The following SGCD variants were observed in gnomAD, a reference collection of about 807,000 sequenced individuals.
SGCD encodes the protein sarcoglycan delta.
SGCD carries 18 observed loss-of-function variants against 36.6 expected under a neutral mutation model. The observed-to-expected ratio is 0.49, with a 90% confidence interval of 0.34 to 0.73. The LOEUF is 0.73. Among genes scored for constraint, SGCD ranks in the 30% least tolerant of loss-of-function variants. SGCD has a pLI of 0.01. For synonymous variants in SGCD, 133 were observed against 130.6 expected (o/e 1.02, Z -0.12); for missense variants, 387 against 346.7 (o/e 1.12, Z -0.92).
intron 3 of SGCD, among the ~76,000 whole-genome samples, chr5:156,194,663 A>G (rs922070987): frequency 1.3e-5 from 2 of 152,034 alleles, no homozygotes; most frequent in African/African-American, 4.8e-5. Flanking sequence ...ATATTATAAT[A>G]TAATTGACAA....
chr5:156,284,870 A>T (rs568017941), intron 3 of SGCD, among the ~76,000 whole-genome samples: 5 of 152,328 alleles, frequency 3.3e-5, no homozygotes, highest in Admixed American at 2.6e-4. Flanking sequence ...TTAGTAAAAA[A>T]GGAAGTCAAA....
chr5:156,479,008 A>G (rs1383083529), intron 3 of SGCD, among the ~76,000 whole-genome samples: 1 of 152,190 alleles, frequency 6.6e-6, no homozygotes, highest in Non-Finnish European at 1.5e-5. Context: ...TGATCTTGTC[A>G]GTGTTGGGAG....
chr5:156,368,236 G>T (rs1289660768), intron 3 of SGCD, among the ~76,000 whole-genome samples: 2 of 151,732 alleles, frequency 1.3e-5, no homozygotes, highest in Non-Finnish European at 2.9e-5. Flanking sequence ...GATTACAGGC[G>T]CCTGCCACCA....
intron 4 of SGCD, among the ~76,000 whole-genome samples, chr5:156,527,254 T>C (rs549817202): frequency 6.6e-6 from 1 of 152,144 alleles, no homozygotes; most frequent in East Asian, 1.9e-4. Flanking sequence ...AGTAACATAG[T>C]CACAAAAGAT....
At chr5:156,736,774 G>A (rs574689853) in intron 7 of SGCD, among the ~76,000 whole-genome samples, 5 of 152,298 alleles carry the variant, frequency 3.3e-5, no homozygotes, top group South Asian at 2.1e-4. Context: ...TGAAAGCATC[G>A]TTGGTGTTCA....
At chr5:156,510,001 A>G (rs1021831555) in intron 4 of SGCD, among the ~76,000 whole-genome samples, 1 of 152,220 alleles carries the variant, frequency 6.6e-6, no homozygotes, top group African/African-American at 2.4e-5. Flanking sequence ...ATTGATTAGC[A>G]TAATTATTGA....
chr5:156,390,967 C>T (rs181518193), intron 3 of SGCD, among the ~76,000 whole-genome samples: 24 of 151,996 alleles, frequency 1.6e-4, no homozygotes, highest in African/African-American at 5.8e-4. Flanking sequence ...TTAGTGTAGC[C>T]TAAGTGTACC....
chr5:156,507,988 G>T (rs1195581833), intron 3 of SGCD, among the ~76,000 whole-genome samples: 1 of 152,156 alleles, frequency 6.6e-6, no homozygotes, highest in South Asian at 2.1e-4. Context: ...AAACAAAGAA[G>T]GGGAGTGTAG....
intron 3 of SGCD, among the ~76,000 whole-genome samples, chr5:156,161,355 G>T (rs1168279236): frequency 6.6e-6 from 1 of 151,738 alleles, no homozygotes; most frequent in Non-Finnish European, 1.5e-5. Flanking sequence ...TCATTGACAG[G>T]TTAGTTCCTC....
At chr5:155,893,618 C>T (rs1756184216) in intron 1 of SGCD, among the ~76,000 whole-genome samples, 1 of 152,204 alleles carries the variant, frequency 6.6e-6, no homozygotes, top group Non-Finnish European at 1.5e-5. Context: ...CATCAGTTAG[C>T]TGGACAAACA....
chr5:156,367,061 TGA>T (rs1770145139), intron 3 of SGCD, among the ~76,000 whole-genome samples: 1 of 152,168 alleles, frequency 6.6e-6, no homozygotes, highest in Non-Finnish European at 1.5e-5. Flanking sequence ...AGCCCCAAAA[TGA>T]GAGACTTGTG....
rs1359570846 is a variant in SGCD at position 156,742,416 on chromosome 5, G to C, written c.576-15165G>C. On this transcript the variant is annotated intron_variant, in intron 7 of 8. Transcript: ENST00000337851. ...TGCTTATTCTCTTCCCTCTCTCAGT[G>C]GCTGACCTCCACCATCTACTGGTAA... is the stretch of plus-strand genomic sequence containing the variant. 4.6e-5 allele frequency among the ~76,000 whole-genome samples: 7 copies of C among 151,866 alleles called. No homozygotes were observed. In the East Asian group the frequency reaches 1.4e-3, roughly 29 times the overall value.
At chr5:156,099,441 G>A (rs1761466991) in intron 1 of SGCD, among the ~76,000 whole-genome samples, 1 of 152,076 alleles carries the variant, frequency 6.6e-6, no homozygotes, top group African/African-American at 2.4e-5. Context: ...CTGAGACAGG[G>A]TCTCACTTTG....
intron 3 of SGCD, among the ~76,000 whole-genome samples, chr5:156,168,336 A>G (rs529451739): frequency 1.3e-5 from 2 of 151,968 alleles, no homozygotes; most frequent in South Asian, 4.2e-4. Context: ...TTGTGTCACC[A>G]CTATTTTACC....
intron 1 of SGCD, among the ~76,000 whole-genome samples, chr5:155,877,071 T>G (rs1755782057): frequency 6.6e-6 from 1 of 152,084 alleles, no homozygotes; most frequent in African/African-American, 2.4e-5. Flanking sequence ...CTTTTATATG[T>G]GAAAGATCTA....
intron 4 of SGCD, among the ~76,000 whole-genome samples, chr5:156,529,995 A>G (rs573999137): frequency 6.6e-6 from 1 of 152,320 alleles, no homozygotes; most frequent in African/African-American, 2.4e-5. Flanking sequence ...CTTGTTGCAT[A>G]TTGGAGGGGG....
chr5:156,421,929 T>C (rs2127778417), intron 3 of SGCD, among the ~76,000 whole-genome samples: 1 of 152,142 alleles, frequency 6.6e-6, no homozygotes, highest in Non-Finnish European at 1.5e-5. Flanking sequence ...CAGAGATAAA[T>C]ACAGCCTCGT....
intron 6 of SGCD, among the ~76,000 whole-genome samples, chr5:156,639,356 AG>A (rs1431310762): frequency 2.0e-5 from 3 of 152,184 alleles, no homozygotes; most frequent in Admixed American, 2.0e-4. Context: ...CTCTGTTTTC[AG>A]CATTCACATG....
At chr5:156,278,058 A>G (rs1766362068) in intron 3 of SGCD, among the ~76,000 whole-genome samples, 4 of 152,220 alleles carry the variant, frequency 2.6e-5, no homozygotes, top group Admixed American at 2.6e-4. Context: ...TTGTAAGGAA[A>G]GGTGATGCTT....
Sources: allele counts gnomAD v4.1 joint callset (sites outside exome capture counted in the v4.1 genomes callset), GRCh38; gene constraint gnomAD v4.1.1; transcripts MANE v1.5; gene names NCBI Gene and HGNC (gene_info 2026-07-23, HGNC 2026-07-21).